The following TGM5 variants were observed in gnomAD, a reference collection of about 807,000 sequenced individuals.
TGM5 encodes the protein transglutaminase 5.
TGM5 carries 69 observed loss-of-function variants against 77.2 expected under a neutral mutation model. The ratio of observed to expected loss-of-function variants is 0.89; its 90% CI spans 0.74 to 1.09. TGM5 has a LOEUF of 1.09. Ranked by LOEUF, TGM5 falls within the 50% of genes least tolerant of loss-of-function variation. The pLI is 0.00. For synonymous variants in TGM5, 346 were observed against 351.8 expected (o/e 0.98, Z 0.18); for missense variants, 842 against 896.5 (o/e 0.94, Z 0.78).
rs369704666 is a variant in TGM5, at chr15:43,253,620, G to A, written c.570C>T (p.Ile190=). 15 of 1,613,340 alleles carry A rather than the reference G, an allele frequency of 9.3e-6. No homozygotes were observed. Among genetic ancestry groups the A allele is most frequent in the Non-Finnish European group, 8.5e-7 (1 of 1,180,042 alleles). ...CTAGCAGCTTCAGGCAGATGTCTAT[G>A]ATTTTGTCTTCAAACTTCGGGGGGA... ...PWNYGQFEDK[I]IDICLKLLDK... The change falls in exon 5 of 13, where the codon ATC becomes ATT. Residue 190 remains isoleucine, a synonymous_variant. Coordinates refer to ENST00000220420, the MANE Select transcript of TGM5 (RefSeq NM_201631.4).
In TGM5 at chr15:43,235,667, GCAC is replaced by G; in HGVS notation, c.1513_1515del (p.Val505del). ...AGCAGCTTGAATTTCAGGGAGACTT[GCAC>G]CACATCACTGGGTCGAAGGGAAGGT... On this transcript the variant is annotated inframe_deletion, in exon 10 of 13. Coordinates refer to ENST00000220420, the MANE Select transcript of TGM5 (RefSeq NM_201631.4). The G allele has an allele frequency of 1.2e-6, 2 of 1,614,156 alleles. No individual in the cohort carries two copies. The highest frequency in any genetic ancestry group is 1.7e-6 in the Non-Finnish European group (2 of 1,180,036).
intron 1 of TGM5, among the ~76,000 whole-genome samples, chr15:43,264,203 A>C (rs1255732908): frequency 6.6e-6 from 1 of 152,230 alleles, no homozygotes; most frequent in Non-Finnish European, 1.5e-5. Context: ...AAAATGGTGC[A>C]GCACTTTGGA....
At chr15:43,248,225 T>TG (rs2042681593) in intron 6 of TGM5, among the ~76,000 whole-genome samples, 1 of 152,218 alleles carries the variant, frequency 6.6e-6, no homozygotes, top group Admixed American at 6.5e-5. Context: ...TCACCCAGGC[T>TG]GGAGTGGCCT....
At position 43,252,811 on chromosome 15, in the gene TGM5, G is replaced by A. The variant is rs772342090; in HGVS notation, c.810C>T (p.Cys270=). ...AGCATTGCCCGTAGCGCACGGGCTG[G>A]CAGCCTGTGGCGTTCCACTGCTTCA... The part of the protein sequence containing the change: ...AILKQWNATG[C]QPVRYGQCWV... Residue 270 remains cysteine, a synonymous_variant, in exon 6 of 13, where the codon TGC becomes TGT. Transcript: ENST00000220420. 3.8e-5 allele frequency: 62 copies of A among 1,613,886 alleles called. 1 individual carries two copies. The East Asian group carries it at 1.4e-3, about 35-fold the overall frequency.
intron 6 of TGM5, among the ~76,000 whole-genome samples, chr15:43,250,730 A>C (rs2042697956): frequency 1.3e-5 from 2 of 152,020 alleles, no homozygotes; most frequent in South Asian, 4.2e-4. Flanking sequence ...TAGAATAAGG[A>C]CTCAGTAAGT....
At position 43,260,392 on chromosome 15, in the gene TGM5, G is replaced by A. The variant is rs1425330264; in HGVS notation, c.190+8C>T. The stretch of plus-strand genomic sequence containing the variant: ...ACACAGCCCCTGTGAGCCAGCTGGG[G>A]TTCTTACCAGTTTCAACCACGAAGA... On this transcript the variant is annotated splice_region_variant and intron_variant, in intron 2 of 12. Transcript: ENST00000220420. 1.2e-6 allele frequency: 2 copies of A among 1,614,084 alleles called. No individual in the cohort carries two copies. The highest frequency in any genetic ancestry group is 8.5e-7 in the Non-Finnish European group (1 of 1,180,046).
intron 4 of TGM5, among the ~76,000 whole-genome samples, chr15:43,254,975 A>G (rs2042732882): frequency 6.6e-6 from 1 of 152,090 alleles, no homozygotes; most frequent in South Asian, 2.1e-4. Context: ...TCATTTTCAT[A>G]TCTCTAGCAC....
intron 6 of TGM5, among the ~76,000 whole-genome samples, chr15:43,245,929 G>A (rs890664794): frequency 1.3e-5 from 2 of 151,636 alleles, no homozygotes; most frequent in African/African-American, 4.8e-5. Flanking sequence ...GGCAAAAAAG[G>A]CCCCTTCACA....
intron 6 of TGM5, among the ~76,000 whole-genome samples, chr15:43,244,784 G>C (rs573393255): frequency 1.3e-5 from 2 of 152,294 alleles, no homozygotes; most frequent in Non-Finnish European, 1.5e-5. Flanking sequence ...TGATGAGTAT[G>C]GGGCCAGGCA....
At chr15:43,262,508 C>T (rs1016253066) in intron 1 of TGM5, among the ~76,000 whole-genome samples, 21 of 152,288 alleles carry the variant, frequency 1.4e-4, no homozygotes, top group African/African-American at 5.1e-4. Context: ...GACTTCCAGC[C>T]GGGCGTGGTG....
At chr15:43,254,658 C>T (rs1190676550) in intron 4 of TGM5, among the ~76,000 whole-genome samples, 2 of 152,100 alleles carry the variant, frequency 1.3e-5, no homozygotes, top group Non-Finnish European at 2.9e-5. Context: ...GCCCCCATCC[C>T]TACCATTTTT....
chr15:43,235,366 T>C (rs1395709329), intron 10 of TGM5, 103 bp downstream of exon 10: 1 of 1,501,970 alleles, frequency 6.7e-7, no homozygotes, highest in East Asian at 2.3e-5. Flanking sequence ...ACAGTAGAAA[T>C]GATGGTGTCT....
chr15:43,261,442 G>A (rs1233239357), intron 1 of TGM5, among the ~76,000 whole-genome samples: 1 of 152,108 alleles, frequency 6.6e-6, no homozygotes, highest in East Asian at 1.9e-4. Flanking sequence ...CACAGGCCAC[G>A]TGCTCAGTGC....
In TGM5 at chr15:43,234,828, G is replaced by T. The variant is rs1158087723; in HGVS notation, c.1816C>A (p.Pro606Thr). The T allele has an allele frequency of 2.5e-6, 4 of 1,614,096 alleles. No individual in the cohort carries two copies. The highest frequency in any genetic ancestry group is 2.7e-5 in the African/African-American group (2 of 74,932). The change falls in exon 11 of 13, where the codon CCT becomes ACT. Residue 606 changes from proline (P) to threonine (T), a missense_variant. By Grantham distance (38) the Pro-to-Thr change is conservative. This residue lies in a region of TGM5 where 815 missense variants were observed against 844.6 expected (regional missense o/e 0.96). Coordinates refer to ENST00000220420, the MANE Select transcript of TGM5 (RefSeq NM_201631.4). Reference protein sequence around the residue: ...ISALGEEKSSPEKILVNKIIT... With the variant: ...ISALGEEKSSTEKILVNKIIT... ...ATCTTGTTCACCAGGATTTTCTCAG[G>T]ACTGCTTTTCTCTTCACCCAGGGCA...
chr15:43,245,928 G>A (rs1053115778), intron 6 of TGM5, among the ~76,000 whole-genome samples: 29 of 151,294 alleles, frequency 1.9e-4, no homozygotes, highest in Admixed American at 3.3e-4. Context: ...TGGCAAAAAA[G>A]GCCCCTTCAC....
chr15:43,242,953 G>A (rs2042647506), intron 6 of TGM5, among the ~76,000 whole-genome samples: 1 of 152,232 alleles, frequency 6.6e-6, no homozygotes, highest in South Asian at 2.1e-4. Flanking sequence ...ACGTGCCAAA[G>A]AAGAGGGCAG....
chr15:43,240,162 TAAA>T (rs1183312983), intron 7 of TGM5, among the ~76,000 whole-genome samples: 1 of 152,094 alleles, frequency 6.6e-6, no homozygotes, highest in African/African-American at 2.4e-5. Context: ...AAACTGGCCA[TAAA>T]AAATTTATCT....
intron 1 of TGM5, among the ~76,000 whole-genome samples, chr15:43,261,060 C>CTTTTTTTTTTTTTTTTTTTTTTT (rs199676346): frequency 2.2e-5 from 2 of 90,616 alleles, no homozygotes; most frequent in African/African-American, 1.3e-4. Flanking sequence ...GCTGCTCTTC[C>CTTTTTTTTTTTTTTTTTTTTTTT]TTTTTTTGTG....
chr15:43,258,620 G>T (rs1027433416), intron 3 of TGM5, among the ~76,000 whole-genome samples: 1 of 152,154 alleles, frequency 6.6e-6, no homozygotes. Context: ...GCGAGAAGCT[G>T]CAGGTTCATG....
Sources: allele counts gnomAD v4.1 joint callset (sites outside exome capture counted in the v4.1 genomes callset), GRCh38; gene constraint gnomAD v4.1.1; regional missense constraint gnomAD v4.1.1; transcripts MANE v1.5; gene names NCBI Gene and HGNC (gene_info 2026-07-23, HGNC 2026-07-21).